Variants in MAPK10 observed in about 807,000 individuals in gnomAD.
The protein encoded by MAPK10 is JNK3 alpha protein kinase.
In MAPK10, 25 loss-of-function variants were observed where a neutral mutation model predicts 59.3. That is an observed-to-expected ratio of 0.42 (90% CI 0.31 to 0.59). The LOEUF is 0.59. Ranked by LOEUF, MAPK10 falls within the 20% of genes least tolerant of loss-of-function variation. The pLI, the probability that MAPK10 is intolerant of heterozygous loss-of-function variation, is 0.15. For missense variants in MAPK10, 351 were observed against 568.9 expected (o/e 0.62, Z 3.90); for synonymous variants, 190 against 200.5 (o/e 0.95, Z 0.44).
chr4:86,456,279 C>T (rs938412527), upstream of MAPK10, among the ~76,000 whole-genome samples: 6 of 151,932 alleles, frequency 3.9e-5, no homozygotes, highest in Non-Finnish European at 8.8e-5. Context: ...CAAACTGAAA[C>T]CCGGCAGAAG....
chr4:86,064,512 T>TTTA, intron 10 of MAPK10, 122 bp from the exon 11 acceptor site: 1 of 875,454 alleles, frequency 1.1e-6, no homozygotes, highest in Non-Finnish European at 1.8e-6. Flanking sequence ...ATCAGGTAAA[T>TTTA]CCCTTGATGT....
chr4:86,139,600 T>G (rs887207063), intron 4 of MAPK10, among the ~76,000 whole-genome samples: 6 of 152,152 alleles, frequency 3.9e-5, no homozygotes, highest in African/African-American at 1.4e-4. Context: ...ACCAAGGCAT[T>G]ACCATTCAGG....
chr4:86,478,945 G>A (rs190984419), intron 1 of MAPK10, among the ~76,000 whole-genome samples: 1 of 152,188 alleles, frequency 6.6e-6, no homozygotes, highest in Admixed American at 6.5e-5. Context: ...CTACTCCTCA[G>A]AGATTATTCA....
intron 2 of MAPK10, among the ~76,000 whole-genome samples, chr4:86,317,824 A>G (rs2095818593): frequency 6.6e-6 from 1 of 152,210 alleles, no homozygotes; most frequent in Non-Finnish European, 1.5e-5. Flanking sequence ...TGAAACAATG[A>G]ACATTTATTC....
chr4:86,498,228 AC>A (rs1755034178), intron 1 of MAPK10, among the ~76,000 whole-genome samples: 1 of 152,212 alleles, frequency 6.6e-6, no homozygotes, highest in South Asian at 2.1e-4. Context: ...TGTAAAAGGG[AC>A]TAACCCTGCA....
intron 2 of MAPK10, among the ~76,000 whole-genome samples, chr4:86,341,818 A>C (rs1362166414): frequency 1.5e-5 from 1 of 65,086 alleles, no homozygotes; most frequent in Non-Finnish European, 3.9e-5. Flanking sequence ...TTGACCAAAA[A>C]AGAAAAAAAA....
rs57481479 is a variant in MAPK10 at position 86,559,282 on chromosome 4, C to CA, written c.-263+34627dup. Among the ~76,000 whole-genome samples the CA allele has an allele frequency of 3.5e-3, 470 of 135,652 alleles. 1 individual carries two copies. Among genetic ancestry groups the CA allele is most frequent in the African/African-American group, 0.01 (387 of 37,130 alleles). 89.0% of individuals were successfully genotyped at this position (135,652 alleles called of 152,430 possible). On this transcript the variant is annotated intron_variant, in intron 1 of 4. Coordinates refer to the MAPK10 transcript ENST00000502302. Reference sequence around the variant, plus strand: ...TTTGGAGGAGATAAGGCTATCTTTCCAAAAAAAAAAAATCTAAAAATCCTA... The same window carrying CA: ...TTTGGAGGAGATAAGGCTATCTTTCCAAAAAAAAAAAAATCTAAAAATCCTA...
At chr4:86,586,336 T>A (rs918545433) in intron 1 of MAPK10, among the ~76,000 whole-genome samples, 3 of 152,092 alleles carry the variant, frequency 2.0e-5, no homozygotes, top group Non-Finnish European at 2.9e-5. Context: ...CTTGATCCCC[T>A]CCCTTGGTAT....
chr4:86,195,994 G>T (rs945513930), intron 2 of MAPK10, among the ~76,000 whole-genome samples: 27 of 152,216 alleles, frequency 1.8e-4, no homozygotes, highest in African/African-American at 6.0e-4. Flanking sequence ...TTGGTTGCAA[G>T]TCTTTGCTAT....
At chr4:86,546,968 A>G (rs1251210563) in intron 1 of MAPK10, among the ~76,000 whole-genome samples, 1 of 152,010 alleles carries the variant, frequency 6.6e-6, no homozygotes, top group Non-Finnish European at 1.5e-5. Context: ...AGGCAGGAGA[A>G]CCGTGTGAAC....
intron 1 of MAPK10, among the ~76,000 whole-genome samples, chr4:86,515,724 A>C (rs1756605039): frequency 6.6e-6 from 1 of 151,820 alleles, no homozygotes. Context: ...TTCCTTGTAG[A>C]TTCTGGGTAT....
At chr4:86,305,742 C>A (rs1479420537) in intron 2 of MAPK10, among the ~76,000 whole-genome samples, 1 of 151,508 alleles carries the variant, frequency 6.6e-6, no homozygotes, top group Non-Finnish European at 1.5e-5. Context: ...TCACTTGAAC[C>A]CGGGAGGCGG....
At chr4:86,295,533 A>G (rs1031777381) in intron 2 of MAPK10, among the ~76,000 whole-genome samples, 2 of 152,040 alleles carry the variant, frequency 1.3e-5, no homozygotes, top group African/African-American at 4.8e-5. Flanking sequence ...TATCTCATCA[A>G]TATCTAAAGC....
intron 3 of MAPK10, among the ~76,000 whole-genome samples, chr4:86,187,358 G>A (rs992133198): frequency 6.6e-6 from 1 of 152,144 alleles, no homozygotes; most frequent in Non-Finnish European, 1.5e-5. Flanking sequence ...TGGTTGTTAC[G>A]TAATTCACTG....
intron 2 of MAPK10, among the ~76,000 whole-genome samples, chr4:86,343,879 T>C (rs1436329115): frequency 1.1e-5 from 1 of 90,802 alleles, no homozygotes; most frequent in Non-Finnish European, 2.6e-5. Context: ...TAAAAGTAGT[T>C]TTCATAAAAA....
chr4:86,343,154 T>C (rs1015259553), intron 2 of MAPK10, among the ~76,000 whole-genome samples: 8 of 152,138 alleles, frequency 5.3e-5, no homozygotes, highest in African/African-American at 1.9e-4. Flanking sequence ...TCCAGCACTA[T>C]CAAAATATGT....
intron 2 of MAPK10, among the ~76,000 whole-genome samples, chr4:86,283,890 G>A (rs1456722135): frequency 6.6e-6 from 1 of 152,150 alleles, no homozygotes; most frequent in Non-Finnish European, 1.5e-5. Flanking sequence ...CCCATGAGAT[G>A]TTATCTGTGC....
At chr4:86,310,982 C>G (rs1185499916) in intron 2 of MAPK10, among the ~76,000 whole-genome samples, 1 of 151,142 alleles carries the variant, frequency 6.6e-6, no homozygotes, top group Non-Finnish European at 1.5e-5. Flanking sequence ...CCCACAGATA[C>G]ACAATATTAA....
At chr4:86,119,556 C>CA (rs1273996054) in intron 4 of MAPK10, 6 of 144,762 alleles carry the variant, frequency 4.1e-5, no homozygotes, top group Non-Finnish European at 8.9e-5. Flanking sequence ...TGCATTCCAG[C>CA]CTGGGTGACA....
Sources: allele counts gnomAD v4.1 joint callset (sites outside exome capture counted in the v4.1 genomes callset), GRCh38; gene constraint gnomAD v4.1.1; transcripts MANE v1.5; gene names NCBI Gene and HGNC (gene_info 2026-07-23, HGNC 2026-07-21).